Variants in PRKCSH observed in about 807,000 individuals in gnomAD.
PRKCSH encodes the protein glucosidase 2 subunit beta.
A neutral mutation model predicts 79.7 loss-of-function variants in PRKCSH; 42 were observed. That is an observed-to-expected ratio of 0.53 (90% confidence interval 0.41 to 0.68). PRKCSH has a LOEUF of 0.68. Among genes scored for constraint, PRKCSH ranks in the 30% least tolerant of loss-of-function variants. The pLI is 0.00. For missense variants in PRKCSH, 686 were observed against 709.0 expected (o/e 0.97, Z 0.37); for synonymous variants, 325 against 288.2 (o/e 1.13, Z -1.29).
intron 7 of PRKCSH, among the ~76,000 whole-genome samples, chr19:11,442,936 T>C (rs1253006473): frequency 6.6e-6 from 1 of 151,878 alleles, no homozygotes; most frequent in Non-Finnish European, 1.5e-5. Context: ...ACTCCTGACC[T>C]CAAGTGATCC....
Position 11,448,479 on chromosome 19 carries a change from C to A in PRKCSH, c.1197-61C>A. Reference sequence around the variant, plus strand: ...CTCAGCCAGACCCTCCTGTGTCTGTCGTCCTGGGTCAGGCACTGGCGTCCC... The same window carrying A: ...CTCAGCCAGACCCTCCTGTGTCTGTAGTCCTGGGTCAGGCACTGGCGTCCC... On this transcript the variant is annotated intron_variant, in intron 13 of 17. Coordinates refer to ENST00000677123, the MANE Select transcript of PRKCSH (RefSeq NM_001289104.2). This position sits in a 1 kb window ranked among gnomAD's most constrained non-coding sequence, Gnocchi z 4.4. 1 of 1,518,260 alleles carries A rather than the reference C, an allele frequency of 6.6e-7. No homozygotes were observed. The highest frequency in any genetic ancestry group is 1.1e-5 in the South Asian group (1 of 88,960). 94.0% of individuals were successfully genotyped at this position (1,518,260 alleles called of 1,614,324 possible).
At chr19:11,442,963 C>T (rs1277536870) in intron 7 of PRKCSH, among the ~76,000 whole-genome samples, 1 of 152,146 alleles carries the variant, frequency 6.6e-6, no homozygotes, top group Non-Finnish European at 1.5e-5. Flanking sequence ...CTTGGCCCCC[C>T]AGAGTGCTGG....
At chr19:11,441,538 C>G (rs1392104617) in intron 6 of PRKCSH, among the ~76,000 whole-genome samples, 181 bp downstream of exon 6, 1 of 152,112 alleles carries the variant, frequency 6.6e-6, no homozygotes, top group African/African-American at 2.4e-5. Flanking sequence ...TATAATAGTT[C>G]CCGAGGGGGA....
intron 7 of PRKCSH, 87 bp from the exon 8 acceptor site, chr19:11,445,302 C>A: frequency 7.8e-7 from 1 of 1,275,482 alleles, no homozygotes. Flanking sequence ...ATATAGTAGG[C>A]GCTTGGTGGC....
At chr19:11,440,992 C>T in intron 5 of PRKCSH, 1 of 468,452 alleles carries the variant, frequency 2.1e-6, no homozygotes, top group Non-Finnish European at 4.0e-6. Flanking sequence ...GAGTTGATAT[C>T]TAGCTCCACC....
At position 11,448,908 on chromosome 19, in the gene PRKCSH, C is replaced by G; in HGVS notation, c.1287-6C>G. The G allele has an allele frequency of 3.7e-6, 6 of 1,614,136 alleles. No homozygotes were observed. The highest frequency in any genetic ancestry group is 5.1e-6 in the Non-Finnish European group (6 of 1,180,014). On this transcript the variant is annotated splice_region_variant and splice_polypyrimidine_tract_variant and intron_variant, in intron 14 of 17. Transcript: ENST00000677123. The surrounding 1 kb of genome is among the most constrained non-coding windows in gnomAD (Gnocchi z 4.4). Reference sequence around the variant, plus strand: ...TCCCCAACCCATATGTCCCGGTCCTCCACAGATACGTCTACCGCCTCTGCC... The same window carrying G: ...TCCCCAACCCATATGTCCCGGTCCTGCACAGATACGTCTACCGCCTCTGCC...
chr19:11,448,085 C>A lies in PRKCSH; in HGVS notation c.1127-137C>A. 1 of 987,472 alleles carries A rather than the reference C, an allele frequency of 1.0e-6. No homozygotes were observed. The highest frequency in any genetic ancestry group is 1.6e-6 in the Non-Finnish European group (1 of 638,388). 61.2% of individuals were successfully genotyped at this position (987,472 alleles called of 1,614,324 possible). A position where few individuals can be genotyped will look rare whatever the true frequency, so the allele number is the denominator to read the frequency against. On this transcript the variant is annotated intron_variant, in intron 12 of 17. Coordinates refer to ENST00000677123, the MANE Select transcript of PRKCSH (RefSeq NM_001289104.2). This position sits in a 1 kb window ranked among gnomAD's most constrained non-coding sequence, Gnocchi z 4.4. Reference sequence around the variant, plus strand: ...GGGGCTGCTCTATAGCTGGTGAGGCCCTCAAGGCTGTCGGGGTGAAGTCCT... The same window carrying A: ...GGGGCTGCTCTATAGCTGGTGAGGCACTCAAGGCTGTCGGGGTGAAGTCCT...
Position 11,436,206 on chromosome 19 carries a change from C to T in PRKCSH, c.79+10C>T, listed in dbSNP as rs1277124107. 6.4e-7 allele frequency: 1 copy of T among 1,561,920 alleles called. No individual in the cohort carries two copies. The highest frequency in any genetic ancestry group is 1.3e-5 in the African/African-American group (1 of 74,186). On this transcript the variant is annotated intron_variant, in intron 2 of 17. Transcript: ENST00000677123. Reference sequence around the variant, plus strand: ...GGCGTCTCCCTCACCAGTGAGTCCTCCTGTTCACCCTCCCGCCAGGCTGGA... The same window carrying T: ...GGCGTCTCCCTCACCAGTGAGTCCTTCTGTTCACCCTCCCGCCAGGCTGGA...
In PRKCSH at chr19:11,445,410, C is replaced by G. The variant is rs772261441; in HGVS notation, c.620C>G (p.Ala207Gly). ...ACAGAGCAGCTGGCTGCTGCCAAGG[C>G]CCAACAGGAGCAGGAGCTGGCGGCT... ...LWEEQLAAAK[A>G]QQEQELAADA... Residue 207 changes from alanine (A) to glycine (G), a missense_variant, in exon 8 of 18, where the codon GCC (alanine) becomes GGC (glycine). Around this residue, in one of 2 missense-constraint regions of PRKCSH, gnomAD observed 549 missense variants for 520.2 expected, o/e 1.06. Coordinates refer to ENST00000677123, the MANE Select transcript of PRKCSH (RefSeq NM_001289104.2). 3 of 1,613,974 alleles carry G rather than the reference C, an allele frequency of 1.9e-6. No individual in the cohort carries two copies. The highest frequency in any genetic ancestry group is 1.1e-5 in the South Asian group (1 of 91,088).
Position 11,448,236 on chromosome 19 carries a change from C to G in PRKCSH, c.1141C>G (p.Arg381Gly). 2 of 1,562,026 alleles carry G rather than the reference C, an allele frequency of 1.3e-6. No homozygotes were observed. Among genetic ancestry groups the G allele is most frequent in the Non-Finnish European group, 1.7e-6 (2 of 1,152,738 alleles). The change falls in exon 13 of 18, where the codon CGC (arginine) becomes GGC (glycine). Residue 381 changes from arginine (R) to glycine (G), a missense_variant. Transcript: ENST00000677123. The surrounding 1 kb of genome is among the most constrained non-coding windows in gnomAD (Gnocchi z 4.4). Reference protein sequence around the residue: ...QAFIDAAQEARNKFEEAERSL... With the variant: ...QAFIDAAQEAGNKFEEAERSL... ...CCCTCTCCCAGCTGCCCAGGAGGCC[C>G]GCAACAAGTTCGAGGAGGCCGAGCG...
At position 11,436,484 on chromosome 19, in the gene PRKCSH, A is replaced by C. The variant is rs778136160; in HGVS notation, c.175A>C (p.Lys59Gln). Reference sequence around the variant, plus strand: ...GGTCAACGATGACTATTGCGACTGCAAAGATGGCTCTGACGAGCCAGGTGA... The same window carrying C: ...GGTCAACGATGACTATTGCGACTGCCAAGATGGCTCTGACGAGCCAGGTGA... ...DQVNDDYCDC[K>Q]DGSDEPGTAA... Residue 59 changes from lysine to glutamine, a missense_variant, in exon 3 of 18, where the codon AAA (lysine) becomes CAA (glutamine). By Grantham distance (53) the Lys-to-Gln change is moderately conservative. Transcript: ENST00000677123. 5 of 1,613,908 alleles carry C rather than the reference A, an allele frequency of 3.1e-6. No homozygotes were observed. The African/African-American group carries it at 5.3e-5, about 17-fold the overall frequency.
Position 11,440,807 on chromosome 19 carries a change from T to TTCTC in PRKCSH, c.351-430_351-429insCTCT, listed in dbSNP as rs369636689. Reference sequence around the variant, plus strand: ...TTTTGTCTGGGAGTCATGATTTCTGTTCTGTCTTCTGTGGTTTTTTTATTT... The same window carrying TTCTC: ...TTTTGTCTGGGAGTCATGATTTCTGTTCTCTCTGTCTTCTGTGGTTTTTTTATTT... On this transcript the variant is annotated intron_variant, in intron 5 of 17. Transcript: ENST00000677123. 5.6e-3 allele frequency among the ~76,000 whole-genome samples: 848 copies of TTCTC among 152,194 alleles called. 9 individuals are homozygous for TTCTC. The highest frequency in any genetic ancestry group is 0.013 in the South Asian group (64 of 4,816).
rs191087615 is a variant in PRKCSH at position 11,437,318 on chromosome 19, G to A, written c.197-558G>A. 1.8e-4 allele frequency among the ~76,000 whole-genome samples: 28 copies of A among 151,426 alleles called. 1 individual carries two copies. In the East Asian group the frequency reaches 5.3e-3, roughly 28 times the overall value. ...CTCCCAAAGTGTTGGGATTACAGGC[G>A]TGAGCCACCGTACCTGGCCTTGTTT... On this transcript the variant is annotated intron_variant, in intron 3 of 17. Transcript: ENST00000677123.
At position 11,438,058 on chromosome 19, in the gene PRKCSH, C is replaced by T. The variant is rs957974477; in HGVS notation, c.293-9C>T. On this transcript the variant is annotated splice_polypyrimidine_tract_variant and intron_variant, in intron 4 of 17. Coordinates refer to ENST00000677123, the MANE Select transcript of PRKCSH (RefSeq NM_001289104.2). ...CCAGGTCTGATCTTGGCTTCTGCCT[C>T]TGCCACAGACTGCTGCGATGGAACA... is the stretch of plus-strand genomic sequence containing the variant. The T allele has an allele frequency of 5.6e-6, 9 of 1,614,004 alleles. 1 individual carries two copies. Among genetic ancestry groups the T allele is most frequent in the South Asian group, 5.5e-5 (5 of 91,074 alleles).
chr19:11,437,486 G>A (rs1247303403), intron 3 of PRKCSH, among the ~76,000 whole-genome samples: 1 of 151,988 alleles, frequency 6.6e-6, no homozygotes, highest in East Asian at 1.9e-4. Flanking sequence ...TGAGTAGCTG[G>A]GATTACAGGC....
In PRKCSH at chr19:11,449,498, A is replaced by T; in HGVS notation, c.*16+70A>T. The T allele has an allele frequency of 6.3e-7, 1 of 1,587,652 alleles. No individual in the cohort carries two copies. Among genetic ancestry groups the T allele is most frequent in the South Asian group, 1.1e-5 (1 of 90,312 alleles). On this transcript the variant is annotated intron_variant, in intron 17 of 17. Coordinates refer to ENST00000677123, the MANE Select transcript of PRKCSH (RefSeq NM_001289104.2). The surrounding 1 kb of genome is among the most constrained non-coding windows in gnomAD (Gnocchi z 6.4). Reference sequence around the variant, plus strand: ...AGGCGGCGGGCCCTGAGGAAGATGGACCCACATGGCCACTCTATCAACCTG... The same window carrying T: ...AGGCGGCGGGCCCTGAGGAAGATGGTCCCACATGGCCACTCTATCAACCTG...
Position 11,448,969 on chromosome 19 carries a change from G to T in PRKCSH, c.1342G>T (p.Gly448Cys), listed in dbSNP as rs3203559. 2 of 1,614,016 alleles carry T rather than the reference G, an allele frequency of 1.2e-6. No homozygotes were observed. Among genetic ancestry groups the T allele is most frequent in the East Asian group, 4.5e-5 (2 of 44,904 alleles). ...TGTCTCGCAGAAACCCAAACTCGGG[G>T]GCTCTCCCACCAGCCTTGGGTGAGT... ...KLVSQKPKLG[G>C]SPTSLGTWGS... Residue 448 changes from glycine (G) to cysteine (C), a missense_variant, in exon 15 of 18, where the codon GGC becomes TGC. By Grantham distance (159) the Gly-to-Cys change is radical (BLOSUM62 -3). Around this residue, in one of 2 missense-constraint regions of PRKCSH, gnomAD observed 137 missense variants for 188.8 expected, o/e 0.73. Transcript: ENST00000677123. This position sits in a 1 kb window ranked among gnomAD's most constrained non-coding sequence, Gnocchi z 4.4.
Position 11,448,455 on chromosome 19 carries a change from T to C in PRKCSH, c.1197-85T>C. The C allele has an allele frequency of 6.7e-7, 1 of 1,481,508 alleles. No individual in the cohort carries two copies. The highest frequency in any genetic ancestry group is 9.4e-7 in the Non-Finnish European group (1 of 1,061,576). 91.8% of individuals were successfully genotyped at this position (1,481,508 alleles called of 1,614,324 possible). A position where few individuals can be genotyped will look rare whatever the true frequency, so the allele number is the denominator to read the frequency against. ...GGGAGGACAGCCTGGGCACCATTGC[T>C]CAGCCAGACCCTCCTGTGTCTGTCG... On this transcript the variant is annotated intron_variant, in intron 13 of 17. Transcript: ENST00000677123. This position sits in a 1 kb window ranked among gnomAD's most constrained non-coding sequence, Gnocchi z 4.4.
chr19:11,448,057 G>A lies in PRKCSH; in HGVS notation c.1127-165G>A. On this transcript the variant is annotated intron_variant, in intron 12 of 17. Coordinates refer to ENST00000677123, the MANE Select transcript of PRKCSH (RefSeq NM_001289104.2). The surrounding 1 kb of genome is among the most constrained non-coding windows in gnomAD (Gnocchi z 4.4). Reference sequence around the variant, plus strand: ...CAGGAGCTGGGAGCCTGGGCAGCAAGTCGGGGCTGCTCTATAGCTGGTGAG... The same window carrying A: ...CAGGAGCTGGGAGCCTGGGCAGCAAATCGGGGCTGCTCTATAGCTGGTGAG... 2 of 819,970 alleles carry A rather than the reference G, an allele frequency of 2.4e-6. No homozygotes were observed. The highest frequency in any genetic ancestry group is 4.5e-5 in the Admixed American group (2 of 44,452). 50.8% of individuals were successfully genotyped at this position (819,970 alleles called of 1,614,324 possible). A position where few individuals can be genotyped will look rare whatever the true frequency, so the allele number is the denominator to read the frequency against.
Sources: allele counts gnomAD v4.1 joint callset (sites outside exome capture counted in the v4.1 genomes callset), GRCh38; gene constraint gnomAD v4.1.1; regional missense constraint gnomAD v4.1.1; non-coding constraint Gnocchi (gnomAD v3.1); transcripts MANE v1.5; gene names NCBI Gene and HGNC (gene_info 2026-07-23, HGNC 2026-07-21).